Variants in ANKFN1 observed in about 807,000 individuals in gnomAD.
ANKFN1 encodes ankyrin repeat and fibronectin type-III domain-containing protein 1.
Under a neutral mutation model 108.7 loss-of-function variants are expected in ANKFN1, and 74 were observed. The ratio of observed to expected loss-of-function variants is 0.68; its 90% CI spans 0.56 to 0.83. The LOEUF is 0.83. ANKFN1 is among the 40% of genes least tolerant of loss of function. ANKFN1 has a pLI of 0.00. For synonymous variants in ANKFN1, 547 were observed against 516.2 expected, an observed-to-expected ratio of 1.06 and a Z score of -0.81; for missense variants, 1,505 against 1,382.3, an observed-to-expected ratio of 1.09 and a Z score of -1.41.
chr17:56,336,849 G>T (rs2045825436), intron 4 of ANKFN1, among the ~76,000 whole-genome samples: 1 of 152,000 alleles, frequency 6.6e-6, no homozygotes, highest in African/African-American at 2.4e-5. Context: ...TTTCTCTTGT[G>T]GGCATTTAGT....
At chr17:56,373,204 T>G (rs115123369) in intron 7 of ANKFN1, among the ~76,000 whole-genome samples, 1 of 152,362 alleles carries the variant, frequency 6.6e-6, no homozygotes, top group African/African-American at 2.4e-5. Flanking sequence ...TTTGCCTGTT[T>G]GTCCAGTTTC....
At chr17:56,245,511 C>G (rs919032387) in intron 3 of ANKFN1, among the ~76,000 whole-genome samples, 1 of 152,020 alleles carries the variant, frequency 6.6e-6, no homozygotes, top group African/African-American at 2.4e-5. Context: ...ATTATTTTTA[C>G]CTTACATGCT....
At chr17:56,292,146 T>C (rs899694513) in intron 3 of ANKFN1, among the ~76,000 whole-genome samples, 1 of 152,322 alleles carries the variant, frequency 6.6e-6, no homozygotes, top group South Asian at 2.1e-4. Flanking sequence ...TTCCTTTTCA[T>C]GACTGGCATG....
chr17:56,365,584 T>G (rs2046639841), intron 6 of ANKFN1, among the ~76,000 whole-genome samples: 2 of 152,210 alleles, frequency 1.3e-5, no homozygotes, highest in South Asian at 4.1e-4. Flanking sequence ...CCCAAAGCCC[T>G]TTTACCACGT....
chr17:56,341,010 A>G lies in ANKFN1; in HGVS notation c.189-9756A>G, dbSNP rs2045945258. Among the ~76,000 whole-genome samples the G allele has an allele frequency of 3.3e-5, 5 of 151,936 alleles. No homozygotes were observed. The South Asian group carries it at 1.0e-3, about 32-fold the overall frequency. On this transcript the variant is annotated intron_variant, in intron 4 of 20. Coordinates refer to ENST00000682825, the MANE Select transcript of ANKFN1 (RefSeq NM_001370326.1). The stretch of plus-strand genomic sequence containing the variant: ...AGTGGTTTTAGTTCTCCTTGTAGAG[A>G]TCTTTCACCCCCCTAGTTAGCAGAA...
intron 6 of ANKFN1, among the ~76,000 whole-genome samples, chr17:56,369,170 G>T (rs1212021525): frequency 3.3e-5 from 5 of 152,166 alleles, no homozygotes; most frequent in Admixed American, 3.3e-4. Context: ...GTCACTGCTT[G>T]TTGTTTGCAC....
chr17:56,093,211 G>A (rs1905453147), intron 4 of ANKFN1, among the ~76,000 whole-genome samples: 2 of 150,940 alleles, frequency 1.3e-5, no homozygotes, highest in African/African-American at 4.9e-5. Flanking sequence ...ACCAAGACCT[G>A]TCATGATGGC....
intron 4 of ANKFN1, among the ~76,000 whole-genome samples, chr17:56,073,605 A>G (rs1905145993): frequency 2.0e-5 from 3 of 152,374 alleles, no homozygotes; most frequent in South Asian, 2.1e-4. Context: ...CCACCTATGT[A>G]TAGTTTCAAA....
intron 11 of ANKFN1, among the ~76,000 whole-genome samples, chr17:56,455,052 C>T (rs1157841535): frequency 6.6e-6 from 1 of 152,164 alleles, no homozygotes; most frequent in Non-Finnish European, 1.5e-5. Context: ...ACTCACCCCT[C>T]ACTTCCAGCA....
intron 15 of ANKFN1, among the ~76,000 whole-genome samples, chr17:56,470,283 T>A (rs1033607698): frequency 1.3e-5 from 2 of 152,224 alleles, no homozygotes; most frequent in East Asian, 3.8e-4. Flanking sequence ...GAATGATTTA[T>A]ATTCTTTTGG....
intron 6 of ANKFN1, among the ~76,000 whole-genome samples, chr17:56,354,411 C>CTTCA (rs149400397): frequency 0.025 from 3,731 of 152,048 alleles, 112 homozygotes; most frequent in African/African-American, 0.068. Context: ...AATGCGGTGG[C>CTTCA]TTCATTCATT....
rs2050742753 is a variant in ANKFN1 at position 56,482,460 on chromosome 17, A to G, written c.2196A>G (p.Gly732=). 6.2e-7 allele frequency: 1 copy of G among 1,613,636 alleles called. No individual in the cohort carries two copies. Among genetic ancestry groups the G allele is most frequent in the African/African-American group, 1.3e-5 (1 of 74,904 alleles). The change falls in exon 18 of 21, where the codon GGA becomes GGG. Residue 732 remains glycine, a synonymous_variant. Transcript: ENST00000682825. ...PASDDVCTAP[G]QNNPYTPHSG... ...CAGACGACGTCTGTACAGCCCCAGG[A>G]CAGAATAATCCTTACACCCCACACT...
chr17:56,254,628 A>C (rs1369848511), intron 3 of ANKFN1, among the ~76,000 whole-genome samples: 2 of 152,184 alleles, frequency 1.3e-5, no homozygotes, highest in African/African-American at 2.4e-5. Flanking sequence ...CCTTTATAGC[A>C]GAGATTCTCA....
At chr17:56,078,200 A>C (rs1567782481) in intron 4 of ANKFN1, among the ~76,000 whole-genome samples, 1 of 152,064 alleles carries the variant, frequency 6.6e-6, no homozygotes, top group African/African-American at 2.4e-5. Context: ...TTTGAGAGTA[A>C]GGCACAGACC....
At chr17:56,384,707 C>T (rs1319271257) in intron 8 of ANKFN1, among the ~76,000 whole-genome samples, 3 of 152,070 alleles carry the variant, frequency 2.0e-5, no homozygotes, top group Non-Finnish European at 1.5e-5. Flanking sequence ...CATGAGTGAA[C>T]TCCCATTCAC....
intron 3 of ANKFN1, among the ~76,000 whole-genome samples, chr17:56,277,668 A>T (rs1420516388): frequency 6.6e-6 from 1 of 152,202 alleles, no homozygotes; most frequent in African/African-American, 2.4e-5. Context: ...GGCTAACTCC[A>T]TATTAGCCAT....
At chr17:56,394,569 G>A (rs77379653) in intron 8 of ANKFN1, among the ~76,000 whole-genome samples, 31 of 151,970 alleles carry the variant, frequency 2.0e-4, no homozygotes, top group Non-Finnish European at 3.4e-4. Flanking sequence ...CCCAGCTACC[G>A]CCATCCCCAC....
chr17:56,094,371 C>G (rs1016669392), intron 4 of ANKFN1, among the ~76,000 whole-genome samples: 4 of 149,306 alleles, frequency 2.7e-5, no homozygotes, highest in African/African-American at 9.9e-5. Flanking sequence ...TAATTTTCAA[C>G]ATAATTTTAG....
intron 16 of ANKFN1, among the ~76,000 whole-genome samples, chr17:56,479,781 A>G (rs1021835032): frequency 3.9e-5 from 6 of 152,286 alleles, no homozygotes; most frequent in East Asian, 1.9e-4. Flanking sequence ...ATCCCCTGAG[A>G]GGAGGGCTTT....
Sources: gnomAD v4.1 joint callset for allele counts (sites outside exome capture counted in the v4.1 genomes callset) on GRCh38, gnomAD v4.1.1 for gene constraint, MANE v1.5 for transcripts, NCBI Gene and HGNC (gene_info 2026-07-23, HGNC 2026-07-21) for gene names.